The following PRKCH variants were observed in gnomAD, a reference collection of about 807,000 sequenced individuals.
PRKCH encodes the protein protein kinase C eta.
In PRKCH, 28 loss-of-function variants were observed where a neutral mutation model predicts 82.5. The observed-to-expected ratio is 0.34, with a 90% CI of 0.25 to 0.47. The LOEUF (loss-of-function observed/expected upper bound fraction) is 0.47, where lower values mean the gene tolerates loss of function less well. PRKCH is among the 20% of genes least tolerant of loss of function. The pLI, the probability that PRKCH is intolerant of heterozygous loss-of-function variation, is 1.00. For missense variants in PRKCH, 705 were observed against 881.8 expected (o/e 0.80, Z 2.54); for synonymous variants, 322 against 327.4 (o/e 0.98, Z 0.18).
intron 1 of PRKCH, chr14:61,279,967 C>T: frequency 1.2e-6 from 1 of 810,260 alleles, no homozygotes. Context: ...TTATCTGGTC[C>T]CCTCATTCAC....
Position 61,323,929 on chromosome 14 carries a change from G to C in PRKCH, c.363+1465G>C, listed in dbSNP as rs139428911. 3.4e-3 allele frequency among the ~76,000 whole-genome samples: 518 copies of C among 152,352 alleles called. 1 individual carries two copies. The highest frequency in any genetic ancestry group is 0.011 in the African/African-American group (474 of 41,578). On this transcript the variant is annotated intron_variant, in intron 1 of 13. Transcript: ENST00000332981. ...CAAAGCTCTAGAGGAACTAGGTTCT[G>C]AATTATGGTGGTGCAGATTGGCCAG... is the stretch of plus-strand genomic sequence containing the variant.
chr14:61,291,323 CTTTTTTTT>C (rs533117559), intron 1 of PRKCH, among the ~76,000 whole-genome samples: 2 of 96,692 alleles, frequency 2.1e-5, no homozygotes, highest in Non-Finnish European at 4.1e-5. Flanking sequence ...CCCTCTGGTT[CTTTTTTTT>C]TTTTTTTTTT....
intron 4 of PRKCH, among the ~76,000 whole-genome samples, chr14:61,448,390 C>T (rs1287976918): frequency 2.0e-5 from 3 of 152,066 alleles, no homozygotes; most frequent in African/African-American, 4.8e-5. Flanking sequence ...AATGTTATTC[C>T]GAAAGTTCTA....
chr14:61,370,324 G>A (rs2046349389), intron 1 of PRKCH, among the ~76,000 whole-genome samples: 1 of 152,098 alleles, frequency 6.6e-6, no homozygotes, highest in Non-Finnish European at 1.5e-5. Context: ...GCGAAGGGAT[G>A]AGGTGGTGAT....
chr14:61,546,260 C>G (rs900458796), intron 12 of PRKCH, among the ~76,000 whole-genome samples: 2 of 152,208 alleles, frequency 1.3e-5, no homozygotes, highest in African/African-American at 4.8e-5. Flanking sequence ...CTCCTGAATC[C>G]TGGGTGACCA....
At chr14:61,450,814 T>C in intron 5 of PRKCH, 28 bp from the exon 6 acceptor site, 2 of 1,608,718 alleles carry the variant, frequency 1.2e-6, no homozygotes, top group East Asian at 2.2e-5. Context: ...ACATTTTAGC[T>C]CTTGTCCCTT....
chr14:61,461,525 G>T (rs1885027931), intron 9 of PRKCH, among the ~76,000 whole-genome samples: 1 of 152,186 alleles, frequency 6.6e-6, no homozygotes. Context: ...ATGACATGAG[G>T]TTAGATCATC....
At chr14:61,461,357 C>G (rs1177130837) in intron 9 of PRKCH, among the ~76,000 whole-genome samples, 1 of 152,190 alleles carries the variant, frequency 6.6e-6, no homozygotes, top group African/African-American at 2.4e-5. Flanking sequence ...CAGCTTGAGG[C>G]TTGAGAGGGA....
chr14:61,381,448 G>A (rs1273995686), intron 1 of PRKCH, among the ~76,000 whole-genome samples: 2 of 152,242 alleles, frequency 1.3e-5, no homozygotes, highest in African/African-American at 4.8e-5. Context: ...AACACCTAGT[G>A]TCATTGTTAT....
intron 1 of PRKCH, among the ~76,000 whole-genome samples, chr14:61,235,040 C>G (rs190219179): frequency 4.7e-4 from 72 of 152,304 alleles, no homozygotes; most frequent in African/African-American, 1.6e-3. Context: ...ACCCAAATGG[C>G]CCCCTTAAGC....
intron 1 of PRKCH, among the ~76,000 whole-genome samples, chr14:61,327,718 A>G (rs187880985): frequency 2.4e-4 from 37 of 152,318 alleles, no homozygotes; most frequent in African/African-American, 8.2e-4. Context: ...AAATGGCTTG[A>G]GAGCAGGGAC....
At chr14:61,290,137 C>A (rs1213457180) in intron 1 of PRKCH, among the ~76,000 whole-genome samples, 1 of 151,924 alleles carries the variant, frequency 6.6e-6, no homozygotes, top group Non-Finnish European at 1.5e-5. Flanking sequence ...ACTAAAAATA[C>A]AAAAATTAGT....
intron 1 of PRKCH, among the ~76,000 whole-genome samples, chr14:61,209,997 G>T (rs1047197213): frequency 6.6e-6 from 1 of 151,184 alleles, no homozygotes; most frequent in Non-Finnish European, 1.5e-5. Flanking sequence ...CCAGCACTTT[G>T]GGAGGCCGAG....
chr14:61,471,277 G>T (rs1450623438), intron 9 of PRKCH, among the ~76,000 whole-genome samples: 2 of 152,218 alleles, frequency 1.3e-5, no homozygotes, highest in African/African-American at 4.8e-5. Context: ...GAGTGGCCAG[G>T]GTTCTGGCCG....
chr14:61,258,439 AT>A (rs924657087), intron 1 of PRKCH, among the ~76,000 whole-genome samples: 2 of 152,062 alleles, frequency 1.3e-5, no homozygotes, highest in Admixed American at 1.3e-4. Context: ...ATCCCCTTTT[AT>A]TTTTTTCCCA....
intron 9 of PRKCH, among the ~76,000 whole-genome samples, chr14:61,461,482 C>T (rs923946851): frequency 6.6e-6 from 1 of 152,174 alleles, no homozygotes; most frequent in Non-Finnish European, 1.5e-5. Flanking sequence ...GATCTTCTTC[C>T]TAGGGCCTGA....
chr14:61,440,978 T>G (rs1023758226), intron 2 of PRKCH, among the ~76,000 whole-genome samples: 67 of 150,544 alleles, frequency 4.5e-4, no homozygotes, highest in Non-Finnish European at 7.5e-4. Flanking sequence ...AGTGCAGAGG[T>G]GCAATCATGG....
chr14:61,386,933 A>T (rs2140193929), intron 1 of PRKCH, among the ~76,000 whole-genome samples: 1 of 152,350 alleles, frequency 6.6e-6, no homozygotes, highest in African/African-American at 2.4e-5. Context: ...AGGCTCAAAT[A>T]ACAAAAAAAA....
At chr14:61,279,745 T>C (rs1421810388) in intron 1 of PRKCH, 1 of 233,080 alleles carries the variant, frequency 4.3e-6, no homozygotes, top group Non-Finnish European at 8.3e-6. Context: ...TACTTCACAT[T>C]GCTAGGTCTC....
Sources: gnomAD v4.1 joint callset for allele counts (sites outside exome capture counted in the v4.1 genomes callset) on GRCh38, gnomAD v4.1.1 for gene constraint, MANE v1.5 for transcripts, NCBI Gene and HGNC (gene_info 2026-07-23, HGNC 2026-07-21) for gene names.